Variants in STAB2 observed in about 807,000 individuals in gnomAD.
STAB2 encodes stabilin-2.
In STAB2, 288 loss-of-function variants were observed where a neutral mutation model predicts 338.1. That is an observed-to-expected ratio of 0.85 (90% CI 0.77 to 0.94). STAB2 has a LOEUF of 0.94. Among genes scored for constraint, STAB2 ranks in the 40% least tolerant of loss-of-function variants. The probability of loss-of-function intolerance (pLI) is 0.00; values close to 1 mark genes in which losing one functional copy is unlikely to be tolerated. For missense variants in STAB2, 3,141 were observed against 3,210.1 expected (o/e 0.98, Z 0.52); for synonymous variants, 1,202 against 1,193.3 (o/e 1.01, Z -0.15).
chr12:103,680,803 C>T (rs981099484), intron 25 of STAB2, among the ~76,000 whole-genome samples: 3 of 152,164 alleles, frequency 2.0e-5, no homozygotes, highest in Non-Finnish European at 2.9e-5. Context: ...AGCCAAATGG[C>T]GTGTAGTTTC....
intron 63 of STAB2, among the ~76,000 whole-genome samples, chr12:103,757,648 G>A (rs1235190635): frequency 6.6e-6 from 1 of 152,190 alleles, no homozygotes; most frequent in African/African-American, 2.4e-5. Context: ...TGCAGACTTA[G>A]GGGAAGAACA....
At chr12:103,621,937 G>T in intron 4 of STAB2, 105 bp from the exon 5 acceptor site, 1 of 1,056,084 alleles carries the variant, frequency 9.5e-7, no homozygotes, top group East Asian at 2.4e-5. Flanking sequence ...TAGGCACAGA[G>T]GGAAAATATA....
chr12:103,731,914 C>T (rs1303262527), intron 50 of STAB2, among the ~76,000 whole-genome samples: 2 of 152,118 alleles, frequency 1.3e-5, no homozygotes, highest in Non-Finnish European at 2.9e-5. Context: ...CAGTAGTGTA[C>T]TAGGTGCTTC....
At chr12:103,731,972 G>A (rs1362679363) in intron 50 of STAB2, among the ~76,000 whole-genome samples, 3 of 152,190 alleles carry the variant, frequency 2.0e-5, no homozygotes, top group Non-Finnish European at 4.4e-5. Flanking sequence ...ATTTGCATGG[G>A]AGAGTTGGGA....
rs974442834 is a variant in STAB2 at position 103,756,437 on chromosome 12, C to T, written c.6987+719C>T. Among the ~76,000 whole-genome samples the T allele has an allele frequency of 5.9e-5, 9 of 152,050 alleles. 1 individual carries two copies. The highest frequency in any genetic ancestry group is 1.9e-4 in the East Asian group (1 of 5,134). ...TCTTTGCCTTGACCACCATTGTCTCCCCAAACCCTCAGATAGCAGGTGGCA... is the reference window on the plus strand; with the variant it reads ...TCTTTGCCTTGACCACCATTGTCTCTCCAAACCCTCAGATAGCAGGTGGCA... On this transcript the variant is annotated intron_variant, in intron 63 of 68. Transcript: ENST00000388887.
At position 103,735,597 on chromosome 12, in the gene STAB2, A is replaced by AG; in HGVS notation, c.5550+20dup. The AG allele has an allele frequency of 1.8e-6, 1 of 558,642 alleles. No individual in the cohort carries two copies. The highest frequency in any genetic ancestry group is 3.3e-6 in the Non-Finnish European group (1 of 304,552). The allele number at this position is 558,642 out of a possible 1,614,324, so 34.6% of individuals were successfully genotyped here. On this transcript the variant is annotated intron_variant, in intron 52 of 68. Transcript: ENST00000388887. ...AGGGACATCGTGAGTATCATCATGA[A>AG]GGGTGGGCAGGGAGGGGTTAACACA...
chr12:103,673,733 C>T (rs1876053077), intron 22 of STAB2, among the ~76,000 whole-genome samples, 174 bp from the exon 23 acceptor site: 1 of 152,230 alleles, frequency 6.6e-6, no homozygotes, highest in African/African-American at 2.4e-5. Flanking sequence ...TCTGAGAACA[C>T]TTGAGACTCC....
intron 30 of STAB2, among the ~76,000 whole-genome samples, chr12:103,690,928 CTATA>C (rs1877884921): frequency 6.6e-6 from 1 of 152,144 alleles, no homozygotes; most frequent in Non-Finnish European, 1.5e-5. Flanking sequence ...AGAGTTGAGT[CTATA>C]TATACTCAAT....
intron 55 of STAB2, 94 bp from the exon 56 acceptor site, chr12:103,742,311 T>C: frequency 6.5e-7 from 1 of 1,526,798 alleles, no homozygotes; most frequent in South Asian, 1.3e-5. Flanking sequence ...CCCTCTGGGC[T>C]AACAGAAGTC....
chr12:103,737,872 G>A, intron 53 of STAB2, 92 bp downstream of exon 53: 1 of 1,517,496 alleles, frequency 6.6e-7, no homozygotes, highest in South Asian at 1.3e-5. Flanking sequence ...AAACCATTAA[G>A]GGCCTGTCCT....
At chr12:103,653,915 A>T (rs541841569) in intron 12 of STAB2, among the ~76,000 whole-genome samples, 2 of 147,634 alleles carry the variant, frequency 1.4e-5, no homozygotes, top group Admixed American at 1.3e-4. Flanking sequence ...AGGTGGATGG[A>T]TGGATGGACG....
intron 50 of STAB2, 144 bp downstream of exon 50, chr12:103,731,779 CAA>C (rs1881654674): frequency 1.4e-6 from 1 of 719,840 alleles, no homozygotes; most frequent in Non-Finnish European, 2.3e-6. Context: ...TTCTGGAGAG[CAA>C]AGTCATTCTC....
chr12:103,766,253 T>A, intron 68 of STAB2, 33 bp from the exon 69 acceptor site: 1 of 1,613,740 alleles, frequency 6.2e-7, no homozygotes, highest in South Asian at 1.1e-5. Context: ...ACACACAGAA[T>A]GCCCTGCCCC....
Position 103,637,308 on chromosome 12 carries a change from C to T in STAB2, c.709+72C>T, listed in dbSNP as rs549410506. The T allele has an allele frequency of 8.4e-6, 13 of 1,551,642 alleles. No individual in the cohort carries two copies. The South Asian group carries it at 1.1e-4, about 13-fold the overall frequency. The stretch of plus-strand genomic sequence containing the variant: ...GTTATTTAACAGGAAAAAAAAATCT[C>T]ACAACCTCCTTAACACAATGACCAT... On this transcript the variant is annotated intron_variant, in intron 7 of 68. Transcript: ENST00000388887.
At chr12:103,753,120 T>G (rs1593339101) in intron 60 of STAB2, 100 bp from the exon 61 acceptor site, 6 of 1,474,530 alleles carry the variant, frequency 4.1e-6, no homozygotes. Flanking sequence ...CACCCTGGGG[T>G]ATAGCTGGCC....
chr12:103,590,602 A>G (rs940922774), intron 1 of STAB2, among the ~76,000 whole-genome samples: 1 of 152,208 alleles, frequency 6.6e-6, no homozygotes, highest in African/African-American at 2.4e-5. Flanking sequence ...TGTGGGTAAT[A>G]ACATTATCTT....
intron 26 of STAB2, among the ~76,000 whole-genome samples, chr12:103,683,746 T>C (rs1991437): frequency 0.024 from 3,678 of 152,264 alleles, 89 homozygotes; most frequent in East Asian, 0.12. Flanking sequence ...GTTTTACAAG[T>C]TATCGGTGAA....
intron 51 of STAB2, among the ~76,000 whole-genome samples, 165 bp downstream of exon 51, chr12:103,733,347 T>C (rs1881794581): frequency 6.6e-6 from 1 of 152,110 alleles, no homozygotes; most frequent in African/African-American, 2.4e-5. Context: ...TGACTGGCCG[T>C]GGTTGATTGG....
chr12:103,703,999 A>G (rs1460775320), intron 35 of STAB2, among the ~76,000 whole-genome samples: 1 of 152,196 alleles, frequency 6.6e-6, no homozygotes, highest in Non-Finnish European at 1.5e-5. Context: ...GTTTAAATGT[A>G]GGCAGCCTGG....
Sources: gnomAD v4.1 joint callset for allele counts (sites outside exome capture counted in the v4.1 genomes callset) on GRCh38, gnomAD v4.1.1 for gene constraint, MANE v1.5 for transcripts, NCBI Gene and HGNC (gene_info 2026-07-23, HGNC 2026-07-21) for gene names.